Variants in MKLN1 observed in about 807,000 individuals in gnomAD.
The protein encoded by MKLN1 is muskelin 1, also known as muskelin.
Under a neutral mutation model 99.0 loss-of-function variants are expected in MKLN1, and 18 were observed. The ratio of observed to expected loss-of-function variants is 0.18; its 90% CI spans 0.13 to 0.27. The LOEUF is 0.27. MKLN1 is among the 10% of genes least tolerant of loss of function. The pLI, the probability that MKLN1 is intolerant of heterozygous loss-of-function variation, is 1.00. For missense variants in MKLN1, 621 were observed against 875.9 expected (o/e 0.71, Z 3.67); for synonymous variants, 288 against 293.2 (o/e 0.98, Z 0.18).
At chr7:131,424,838 G>A (rs543450823) in intron 8 of MKLN1, among the ~76,000 whole-genome samples, 2 of 152,254 alleles carry the variant, frequency 1.3e-5, no homozygotes, top group Non-Finnish European at 2.9e-5. Context: ...CCTGTATGCT[G>A]CAAGTTCAGA....
intron 16 of MKLN1, chr7:131,472,027 G>A (rs1181320315): frequency 6.6e-6 from 1 of 152,264 alleles, no homozygotes. Context: ...CATGAAGGGG[G>A]ACAGTTAATT....
intron 15 of MKLN1, among the ~76,000 whole-genome samples, chr7:131,467,125 G>C (rs1241293396): frequency 2.0e-5 from 3 of 152,186 alleles, no homozygotes; most frequent in Non-Finnish European, 4.4e-5. Flanking sequence ...GCAGAAGTAA[G>C]AGGATTGCCT....
intron 6 of MKLN1, among the ~76,000 whole-genome samples, chr7:131,401,753 T>G (rs1472814903): frequency 1.3e-5 from 2 of 152,176 alleles, no homozygotes; most frequent in African/African-American, 4.8e-5. Context: ...CCTTTGCATG[T>G]GCATATAAAA....
intron 16 of MKLN1, among the ~76,000 whole-genome samples, chr7:131,474,666 A>C (rs1290820729): frequency 6.6e-6 from 1 of 152,336 alleles, no homozygotes; most frequent in South Asian, 2.1e-4. Context: ...AAATTCATGA[A>C]ATAGGAAACA....
At chr7:131,315,897 C>G (rs912440730) in intron 3 of MKLN1, among the ~76,000 whole-genome samples, 1 of 152,190 alleles carries the variant, frequency 6.6e-6, no homozygotes, top group African/African-American at 2.4e-5. Flanking sequence ...CAGCCCCAGT[C>G]AGGGGCTTAC....
chr7:131,431,992 T>C (rs184899462), intron 9 of MKLN1, among the ~76,000 whole-genome samples: 3 of 152,312 alleles, frequency 2.0e-5, no homozygotes, highest in African/African-American at 7.2e-5. Context: ...TGTAAAGCCT[T>C]TCTTGAACTT....
At position 131,316,206 on chromosome 7, in the gene MKLN1, C is replaced by T. The variant is rs571289766; in HGVS notation, c.-178-59218C>T. 3.9e-5 allele frequency among the ~76,000 whole-genome samples: 6 copies of T among 152,312 alleles called. No individual in the cohort carries two copies. In the South Asian group the frequency reaches 8.3e-4, roughly 21 times the overall value. ...ACAGACACCTCATATAGGAGAGCTCCGGCTGGCATCAGGCTGGTGCCCCTC... is the reference window on the plus strand; with the variant it reads ...ACAGACACCTCATATAGGAGAGCTCTGGCTGGCATCAGGCTGGTGCCCCTC... On this transcript the variant is annotated intron_variant, in intron 3 of 7. Coordinates refer to the MKLN1 transcript ENST00000416992.
At chr7:131,483,574 A>T (rs565927557) in intron 17 of MKLN1, among the ~76,000 whole-genome samples, 5 of 152,338 alleles carry the variant, frequency 3.3e-5, no homozygotes, top group South Asian at 2.1e-4. Flanking sequence ...ACTCTAACTC[A>T]TACCTGAACC....
At chr7:131,398,614 C>T (rs1794431400) in intron 5 of MKLN1, among the ~76,000 whole-genome samples, 1 of 151,914 alleles carries the variant, frequency 6.6e-6, no homozygotes, top group African/African-American at 2.4e-5. Flanking sequence ...TTGCTTGAAC[C>T]TGGGAGGCGG....
Position 131,452,754 on chromosome 7 carries a change from T to C in MKLN1, c.1525+6851T>C, listed in dbSNP as rs957843515. 3.9e-5 allele frequency among the ~76,000 whole-genome samples: 6 copies of C among 152,242 alleles called. No individual in the cohort carries two copies. In the South Asian group the frequency reaches 1.2e-3, roughly 32 times the overall value. On this transcript the variant is annotated intron_variant, in intron 12 of 17. Transcript: ENST00000352689. ...TTAATAGAGACGGGGTTTCATCATG[T>C]TGGCCAGGATGGTCTTGATCTCTTG...
At chr7:131,255,211 A>G (rs9649556) in intron 3 of MKLN1, among the ~76,000 whole-genome samples, 12,861 of 151,248 alleles carry the variant, frequency 0.085, 598 homozygotes, top group Middle Eastern at 0.14. Context: ...CAAAGTGCTG[A>G]GATTATAGGT....
intron 2 of MKLN1, among the ~76,000 whole-genome samples, chr7:131,144,000 T>A (rs1354359335): frequency 1.3e-5 from 2 of 152,138 alleles, no homozygotes; most frequent in Non-Finnish European, 2.9e-5. Context: ...CTGTCAAATT[T>A]CTCTAGCCCC....
chr7:131,216,949 C>A (rs536686608), intron 3 of MKLN1, among the ~76,000 whole-genome samples: 1,607 of 152,252 alleles, frequency 0.011, 31 homozygotes, highest in African/African-American at 0.038. Flanking sequence ...AGGAGACCCC[C>A]TATTGAGTGC....
intron 1 of MKLN1, among the ~76,000 whole-genome samples, chr7:131,353,786 T>A (rs974876446): frequency 6.6e-6 from 1 of 151,766 alleles, no homozygotes. Context: ...TTAATTTTTT[T>A]AATGAAGTAT....
chr7:131,152,833 A>G (rs911822672), intron 2 of MKLN1, among the ~76,000 whole-genome samples: 8 of 151,924 alleles, frequency 5.3e-5, no homozygotes, highest in Non-Finnish European at 1.2e-4. Flanking sequence ...GTTGGTTGAT[A>G]TGTCCCTTAA....
chr7:131,486,119 A>G (rs1033952480), intron 17 of MKLN1, among the ~76,000 whole-genome samples: 3 of 152,004 alleles, frequency 2.0e-5, no homozygotes, highest in African/African-American at 7.2e-5. Context: ...GAGAGAGAAC[A>G]TATTTGATGA....
At chr7:131,146,355 T>TA (rs1348711448) in intron 2 of MKLN1, among the ~76,000 whole-genome samples, 1 of 152,034 alleles carries the variant, frequency 6.6e-6, no homozygotes, top group Non-Finnish European at 1.5e-5. Context: ...AATAAGTAAA[T>TA]AAAAATAAAA....
chr7:131,206,084 G>A (rs6977893), intron 3 of MKLN1, among the ~76,000 whole-genome samples: 69,983 of 151,256 alleles, frequency 0.46, 16,856 homozygotes, highest in South Asian at 0.61. Flanking sequence ...AGTAGAGACG[G>A]GGTTTCGCCA....
At chr7:131,448,024 C>T (rs762157416) in intron 12 of MKLN1, among the ~76,000 whole-genome samples, 16 of 152,240 alleles carry the variant, frequency 1.1e-4, no homozygotes, top group Admixed American at 6.5e-4. Context: ...GTCAGGAGAT[C>T]GAGACCATCC....
Sources: gnomAD v4.1 joint callset for allele counts (sites outside exome capture counted in the v4.1 genomes callset) on GRCh38, gnomAD v4.1.1 for gene constraint, MANE v1.5 for transcripts, NCBI Gene and HGNC (gene_info 2026-07-23, HGNC 2026-07-21) for gene names.